ZMYM2: variants seen among roughly 807,000 people sequenced by gnomAD.
ZMYM2 encodes zinc finger MYM-type containing 2, also known as zinc finger MYM-type protein 2.
A neutral mutation model predicts 162.8 loss-of-function variants in ZMYM2; 56 were observed. The observed-to-expected ratio is 0.34, with a 90% CI of 0.28 to 0.43. The LOEUF (loss-of-function observed/expected upper bound fraction) is 0.43. Among genes scored for constraint, ZMYM2 ranks in the 20% least tolerant of loss-of-function variants. The pLI, the probability that ZMYM2 is intolerant of heterozygous loss-of-function variation, is 1.00. For missense variants in ZMYM2, 1,275 were observed against 1,621.8 expected (o/e 0.79, Z 3.67); for synonymous variants, 510 against 541.6 (o/e 0.94, Z 0.81).
At chr13:19,892,569 C>T in the ZMYM2 span, among the ~76,000 whole-genome samples, 1 of 151,874 alleles carries the variant, frequency 6.6e-6, no homozygotes, top group African/African-American at 2.4e-5. Flanking sequence ...GCCACCGCGC[C>T]TGTCCCACTA....
chr13:19,905,866 C>A, the ZMYM2 span, among the ~76,000 whole-genome samples: 1 of 152,168 alleles, frequency 6.6e-6, no homozygotes, highest in Non-Finnish European at 1.5e-5. Flanking sequence ...TTGGGCTGGG[C>A]ATGGCGGCTC....
intron 7 of ZMYM2, chr13:20,026,126 C>A (rs1324126384): frequency 6.6e-6 from 1 of 152,070 alleles, no homozygotes; most frequent in Admixed American, 6.6e-5. Flanking sequence ...GGTGATAAAT[C>A]ATTTTTAAGA....
the ZMYM2 span, among the ~76,000 whole-genome samples, chr13:19,870,481 C>T: frequency 1.8e-4 from 27 of 151,178 alleles, no homozygotes; most frequent in Admixed American, 1.8e-3. Context: ...TTCCTTCCTT[C>T]CCCTCCTTTC....
chr13:19,949,901 A>G, the ZMYM2 span, among the ~76,000 whole-genome samples: 1 of 135,584 alleles, frequency 7.4e-6, no homozygotes, highest in Non-Finnish European at 1.6e-5. Flanking sequence ...AAAAAAAAGA[A>G]AAGAAAAGGA....
At position 20,046,008 on chromosome 13, in the gene ZMYM2, G is replaced by A. The variant is rs535178119; in HGVS notation, c.2293-5425G>A. On this transcript the variant is annotated intron_variant, in intron 12 of 24. Transcript: ENST00000610343. The stretch of plus-strand genomic sequence containing the variant: ...TGTAATCCCAGCACTTTGGGAGTAT[G>A]AGGTGGGAGAATCACTTGAGGCAAG... Among the ~76,000 whole-genome samples the A allele has an allele frequency of 2.0e-5, 3 of 151,380 alleles. No homozygotes were observed. The East Asian group carries it at 5.8e-4, about 29-fold the overall frequency.
intron 12 of ZMYM2, among the ~76,000 whole-genome samples, 180 bp from the exon 13 acceptor site, chr13:20,051,253 G>GCATT (rs369364385): frequency 1.6e-4 from 12 of 74,176 alleles, no homozygotes; most frequent in Admixed American, 2.7e-4. Flanking sequence ...CTGTGAAATT[G>GCATT]TATTTTTTTT....
chr13:19,878,521 T>TCCCCC, the ZMYM2 span, among the ~76,000 whole-genome samples: 11 of 40,356 alleles, frequency 2.7e-4, no homozygotes, highest in Non-Finnish European at 8.9e-4. Context: ...TTTGCCCTTT[T>TCCCCC]TTTTTTTTTT....
Position 19,968,078 on chromosome 13 carries a change from C to A in ZMYM2, c.-11+8052C>A, listed in dbSNP as rs186859171. The stretch of plus-strand genomic sequence containing the variant: ...TTTAGAAAGAAATCCACTGTCTGAT[C>A]TGCACTGTCAACACTATAACAAATC... On this transcript the variant is annotated intron_variant, in intron 2 of 24. Transcript: ENST00000610343. Among the ~76,000 whole-genome samples, 262 of 152,348 alleles carry A rather than the reference C, an allele frequency of 1.7e-3. 1 individual carries two copies. The highest frequency in any genetic ancestry group is 4.1e-3 in the South Asian group (20 of 4,828).
At chr13:20,007,439 G>T (rs1180139272) in intron 6 of ZMYM2, among the ~76,000 whole-genome samples, 2 of 151,706 alleles carry the variant, frequency 1.3e-5, no homozygotes, top group Admixed American at 6.6e-5. Flanking sequence ...ACCCGTCCAG[G>T]TTAATGTTAT....
intron 2 of ZMYM2, among the ~76,000 whole-genome samples, chr13:19,967,977 C>G (rs1278569416): frequency 2.0e-5 from 3 of 152,128 alleles, no homozygotes; most frequent in Non-Finnish European, 4.4e-5. Context: ...GTGCTTTATC[C>G]TCCATCGAGA....
intron 2 of ZMYM2, among the ~76,000 whole-genome samples, chr13:19,975,861 AATGTATGTATGTATGTATGTATGTATGT>A (rs71070281): frequency 6.8e-6 from 1 of 146,890 alleles, no homozygotes; most frequent in African/African-American, 2.5e-5. Flanking sequence ...CCATTTTTAA[AATGTATGTATGTATGTATGTATGTATGT>A]ATGTATGTAT....
chr13:19,877,418 A>C, the ZMYM2 span, among the ~76,000 whole-genome samples: 1 of 151,828 alleles, frequency 6.6e-6, no homozygotes, highest in Non-Finnish European at 1.5e-5. Flanking sequence ...ATGAAGCCAG[A>C]CTCCTTTTAC....
chr13:19,926,961 C>A, the ZMYM2 span, among the ~76,000 whole-genome samples: 1 of 152,254 alleles, frequency 6.6e-6, no homozygotes, highest in South Asian at 2.1e-4. Context: ...AGCCACCACT[C>A]CCAGCCAGGA....
At chr13:20,080,321 A>G (rs1426114061) in intron 21 of ZMYM2, among the ~76,000 whole-genome samples, 1 of 152,208 alleles carries the variant, frequency 6.6e-6, no homozygotes, top group Admixed American at 6.5e-5. Flanking sequence ...TTTGAATAAC[A>G]TTGGATCAAC....
chr13:19,974,630 C>T (rs1329336360), intron 2 of ZMYM2, among the ~76,000 whole-genome samples: 7 of 152,188 alleles, frequency 4.6e-5, no homozygotes, highest in East Asian at 1.9e-4. Context: ...CGCCACCACA[C>T]CCGGCTGATT....
the ZMYM2 span, among the ~76,000 whole-genome samples, chr13:19,940,003 G>A: frequency 1.3e-5 from 2 of 152,244 alleles, no homozygotes; most frequent in Middle Eastern, 3.4e-3. Context: ...ATTGTTAACC[G>A]AGAAATCAAA....
At chr13:20,009,089 A>G (rs2140016765) in intron 6 of ZMYM2, among the ~76,000 whole-genome samples, 1 of 152,306 alleles carries the variant, frequency 6.6e-6, no homozygotes, top group East Asian at 1.9e-4. Context: ...AGATATGAAG[A>G]TCAAAACAAA....
the ZMYM2 span, among the ~76,000 whole-genome samples, chr13:19,868,698 T>A: frequency 1.3e-5 from 2 of 152,214 alleles, no homozygotes; most frequent in Admixed American, 1.3e-4. Flanking sequence ...ACATTTGCAT[T>A]TCTTTTGTCT....
intron 7 of ZMYM2, chr13:20,026,219 T>C (rs1566330347): frequency 6.5e-6 from 1 of 153,946 alleles, no homozygotes; most frequent in Non-Finnish European, 1.4e-5. Context: ...ACCATACTTT[T>C]TATTATTAAG....
Sources: gnomAD v4.1 joint callset for allele counts (sites outside exome capture counted in the v4.1 genomes callset) on GRCh38, gnomAD v4.1.1 for gene constraint, MANE v1.5 for transcripts, NCBI Gene and HGNC (gene_info 2026-07-23, HGNC 2026-07-21) for gene names.